SIRPA: variants seen among roughly 807,000 people sequenced by gnomAD.
SIRPA encodes signal regulatory protein alpha.
In SIRPA, 9 loss-of-function variants were observed where a neutral mutation model predicts 50.3. The observed-to-expected ratio is 0.18, with a 90% CI of 0.11 to 0.31. The LOEUF (loss-of-function observed/expected upper bound fraction) is 0.31, where lower values mean the gene tolerates loss of function less well. SIRPA is among the 10% of genes least tolerant of loss of function. The pLI, the probability that SIRPA is intolerant of heterozygous loss-of-function variation, is 1.00. For missense variants in SIRPA, 474 were observed against 661.6 expected, an observed-to-expected ratio of 0.72 and a Z score of 3.11; for synonymous variants, 265 against 284.1, an observed-to-expected ratio of 0.93 and a Z score of 0.68.
Position 1,896,430 on chromosome 20 carries a change from G to C in SIRPA, c.79+904G>C, listed in dbSNP as rs116332648. On this transcript the variant is annotated intron_variant, in intron 1 of 7. Transcript: ENST00000358771. The stretch of plus-strand genomic sequence containing the variant: ...TTAAATGGGTTTTGCAAAACCATGG[G>C]TCTCCTGGGAGGGCACCGGGTGGGG... Among the ~76,000 whole-genome samples the C allele has an allele frequency of 6.1e-3, 849 of 139,688 alleles. 8 individuals carry two copies. The highest frequency in any genetic ancestry group is 0.021 in the African/African-American group (806 of 38,804). The allele number at this position is 139,688 out of a possible 152,430, so 91.6% of individuals were successfully genotyped here. A position where few individuals can be genotyped will look rare whatever the true frequency, so the allele number is the denominator to read the frequency against.
In SIRPA at chr20:1,921,267, C is replaced by G. The variant is rs572275542; in HGVS notation, c.437-128C>G. The G allele has an allele frequency of 1.2e-5, 18 of 1,510,944 alleles. No homozygotes were observed. The South Asian group carries it at 2.1e-4, about 18-fold the overall frequency. The allele number at this position is 1,510,944 out of a possible 1,614,324, so 93.6% of individuals were successfully genotyped here. On this transcript the variant is annotated intron_variant, in intron 2 of 7. Transcript: ENST00000358771. ...AAAATGACAATAAGGACACCGCCCT[C>G]ATTAATCCTTCCACATTATTGGAAG...
At position 1,922,545 on chromosome 20, in the gene SIRPA, C is replaced by T. The variant is rs758201093; in HGVS notation, c.987C>T (p.Leu329=). ...NVSAHRDDVK[L]TCQVEHDGQP... ...CTGCCCACAGGGATGATGTGAAGCT[C>T]ACCTGCCAGGTGGAGCATGACGGGC... Residue 329 remains leucine (L), a synonymous_variant, in exon 4 of 8, where the codon CTC becomes CTT. Coordinates refer to ENST00000358771, the MANE Select transcript of SIRPA (RefSeq NM_001040023.2). The T allele has an allele frequency of 8.1e-6, 13 of 1,614,110 alleles. No homozygotes were observed. The highest frequency in any genetic ancestry group is 1.1e-5 in the Non-Finnish European group (13 of 1,180,056).
chr20:1,909,455 A>C (rs544818769), intron 1 of SIRPA, among the ~76,000 whole-genome samples: 1 of 152,234 alleles, frequency 6.6e-6, no homozygotes, highest in Admixed American at 6.5e-5. Flanking sequence ...CTCAAGCTTC[A>C]GTTCTAAGTT....
At position 1,928,285 on chromosome 20, in the gene SIRPA, G is replaced by A. The variant is rs981576405; in HGVS notation, c.1226+386G>A. On this transcript the variant is annotated intron_variant, in intron 6 of 7. Coordinates refer to ENST00000358771, the MANE Select transcript of SIRPA (RefSeq NM_001040023.2). This position sits in a 1 kb window ranked among gnomAD's most constrained non-coding sequence, Gnocchi z 4.9. ...CCTTTGTTTAGTAAATATTTATTGA[G>A]TACCTTGGCGTGCTGTGACCCTGGA... 1.3e-5 allele frequency among the ~76,000 whole-genome samples: 2 copies of A among 152,170 alleles called. No individual in the cohort carries two copies. The highest frequency in any genetic ancestry group is 4.8e-5 in the African/African-American group (2 of 41,430).
At chr20:1,895,584 C>A in intron 1 of SIRPA, 58 bp downstream of exon 1, 1 of 1,268,698 alleles carries the variant, frequency 7.9e-7, no homozygotes. Context: ...TCAGGCCTCT[C>A]AGACTGGCAC....
intron 1 of SIRPA, among the ~76,000 whole-genome samples, chr20:1,901,150 C>CCTTT (rs1245976031): frequency 1.1e-4 from 16 of 146,912 alleles, no homozygotes; most frequent in East Asian, 6.4e-4. Context: ...GTTTTTTCTT[C>CCTTT]CTTTCTTTCT....
chr20:1,913,931 T>A (rs1216145364), intron 1 of SIRPA, among the ~76,000 whole-genome samples: 2 of 152,086 alleles, frequency 1.3e-5, no homozygotes, highest in African/African-American at 4.8e-5. Flanking sequence ...TGCCCCAGTG[T>A]CTCTGATTGG....
intron 2 of SIRPA, among the ~76,000 whole-genome samples, chr20:1,919,985 T>C (rs1481815795): frequency 6.6e-6 from 1 of 152,156 alleles, no homozygotes; most frequent in East Asian, 1.9e-4. Context: ...CTGATAACAG[T>C]CACAGGGGTC....
intron 1 of SIRPA, among the ~76,000 whole-genome samples, chr20:1,913,067 A>T (rs1383075403): frequency 6.6e-6 from 1 of 152,142 alleles, no homozygotes; most frequent in East Asian, 1.9e-4. Context: ...TGCCATGAAG[A>T]TCTTGCCATG....
upstream of SIRPA, chr20:1,894,337 C>G (rs939028207): frequency 6.6e-6 from 1 of 152,144 alleles, no homozygotes; most frequent in Non-Finnish European, 1.5e-5. This position sits in a 1 kb window ranked among gnomAD's most constrained non-coding sequence, Gnocchi z 4.0. Flanking sequence ...GCCGCGCGGC[C>G]GGAGTCCGGA....
intron 5 of SIRPA, among the ~76,000 whole-genome samples, chr20:1,925,884 A>C (rs1330267195): frequency 6.6e-6 from 1 of 152,250 alleles, no homozygotes; most frequent in Admixed American, 6.5e-5. Context: ...AGATAGAAAT[A>C]CATTTCACAT....
intron 2 of SIRPA, among the ~76,000 whole-genome samples, chr20:1,916,388 A>T: frequency 6.6e-6 from 1 of 152,196 alleles, no homozygotes; most frequent in Non-Finnish European, 1.5e-5. Flanking sequence ...CCAGTTAGTG[A>T]CAGGATCTGG....
In SIRPA at chr20:1,937,333, T is replaced by C. The variant is rs1232996262; in HGVS notation, c.1280T>C (p.Ile427Thr). Residue 427 changes from isoleucine (I) to threonine (T), a missense_variant, in exon 8 of 8, where the codon ATC (isoleucine) becomes ACC (threonine). This residue lies in a region of SIRPA where 180 missense variants were observed against 206.7 expected (regional missense o/e 0.87). Coordinates refer to ENST00000358771, the MANE Select transcript of SIRPA (RefSeq NM_001040023.2). The surrounding 1 kb of genome is among the most constrained non-coding windows in gnomAD (Gnocchi z 8.3). The part of the protein sequence containing the change: ...AREITQDTND[I>T]TYADLNLPKG... The stretch of plus-strand genomic sequence containing the variant: ...TCTTAAATCCAGGACACAAATGATA[T>C]CACATATGCAGACCTGAACCTGCCC... 3.7e-6 allele frequency: 6 copies of C among 1,612,844 alleles called. No homozygotes were observed. The highest frequency in any genetic ancestry group is 5.1e-6 in the Non-Finnish European group (6 of 1,179,216).
rs780204391 is a variant in SIRPA at position 1,921,468 on chromosome 20, C to T, written c.510C>T (p.Cys170=). 1.4e-5 allele frequency: 23 copies of T among 1,613,776 alleles called. No homozygotes were observed. Among genetic ancestry groups the T allele is most frequent in the South Asian group, 4.4e-5 (4 of 91,080 alleles). Residue 170 remains cysteine (C), a synonymous_variant, in exon 3 of 8, where the codon TGC becomes TGT. Coordinates refer to ENST00000358771, the MANE Select transcript of SIRPA (RefSeq NM_001040023.2). ...CTCAGCACACAGTGAGCTTCACCTG[C>T]GAGTCCCACGGCTTCTCACCCAGAG... The part of the protein sequence containing the change: ...ATPQHTVSFT[C]ESHGFSPRDI...
intron 1 of SIRPA, among the ~76,000 whole-genome samples, chr20:1,911,015 A>G (rs2123059317): frequency 6.6e-6 from 1 of 151,742 alleles, no homozygotes; most frequent in East Asian, 1.9e-4. Flanking sequence ...CTTTAATATC[A>G]TTGTTTTTTT....
In SIRPA at chr20:1,939,323, T is replaced by C. The variant is rs1986762925; in HGVS notation, c.*1755T>C. The stretch of plus-strand genomic sequence containing the variant: ...GTCCTACAGGTGAAACTGCAGGAGC[T>C]CAGCATAGACCCAGCTCTCTGGGGG... On this transcript the variant is annotated 3_prime_UTR_variant, in exon 8 of 8. Coordinates refer to ENST00000358771, the MANE Select transcript of SIRPA (RefSeq NM_001040023.2). This position sits in a 1 kb window ranked among gnomAD's most constrained non-coding sequence, Gnocchi z 4.7. 1 of 152,302 alleles carries C rather than the reference T, an allele frequency of 6.6e-6. No individual in the cohort carries two copies. Among genetic ancestry groups the C allele is most frequent in the East Asian group, 1.9e-4 (1 of 5,182 alleles). 9.4% of individuals were successfully genotyped at this position (152,302 alleles called of 1,614,324 possible).
intron 1 of SIRPA, among the ~76,000 whole-genome samples, chr20:1,909,863 CAT>C (rs1245376478): frequency 6.6e-6 from 1 of 152,228 alleles, no homozygotes; most frequent in African/African-American, 2.4e-5. Context: ...AAGCCACACA[CAT>C]GAACATTGTT....
At chr20:1,901,406 G>A (rs1432570267) in intron 1 of SIRPA, among the ~76,000 whole-genome samples, 1 of 151,904 alleles carries the variant, frequency 6.6e-6, no homozygotes, top group East Asian at 1.9e-4. Context: ...CCTGACCTCA[G>A]GTGATCCTCC....
chr20:1,896,026 C>T (rs1983789373), intron 1 of SIRPA, among the ~76,000 whole-genome samples: 2 of 152,182 alleles, frequency 1.3e-5, no homozygotes, highest in Admixed American at 6.5e-5. Flanking sequence ...GTGAGCCCTC[C>T]CTCTGGTGCG....
Sources: gnomAD v4.1 joint callset for allele counts (sites outside exome capture counted in the v4.1 genomes callset) on GRCh38, gnomAD v4.1.1 for gene constraint, gnomAD v4.1.1 regional missense constraint, Gnocchi (gnomAD v3.1) non-coding constraint, MANE v1.5 for transcripts, NCBI Gene and HGNC (gene_info 2026-07-23, HGNC 2026-07-21) for gene names.